The following NRG3 variants were observed in gnomAD, a reference collection of about 807,000 sequenced individuals.
The protein encoded by NRG3 is neuregulin 3.
A neutral mutation model predicts 66.9 loss-of-function variants in NRG3; 31 were observed. That is an observed-to-expected ratio of 0.46 (90% CI 0.35 to 0.63). NRG3 has a LOEUF of 0.63. Among genes scored for constraint, NRG3 ranks in the 20% least tolerant of loss-of-function variants. The pLI is 0.00. For missense variants in NRG3, 910 were observed against 878.9 expected (o/e 1.04, Z -0.45); for synonymous variants, 393 against 359.4 (o/e 1.09, Z -1.06).
At chr10:82,723,790 G>A (rs1163386026) in intron 2 of NRG3, among the ~76,000 whole-genome samples, 1 of 151,804 alleles carries the variant, frequency 6.6e-6, no homozygotes, top group Non-Finnish European at 1.5e-5. Context: ...GACCAAACTG[G>A]CCAACATGGT....
At chr10:81,996,153 CAAAT>C (rs1467772768) in intron 1 of NRG3, among the ~76,000 whole-genome samples, 1 of 152,132 alleles carries the variant, frequency 6.6e-6, no homozygotes, top group African/African-American at 2.4e-5. Flanking sequence ...TCATATGTGA[CAAAT>C]AGATAATGCA....
intron 4 of NRG3, among the ~76,000 whole-genome samples, chr10:82,886,972 G>A (rs1842771961): frequency 6.6e-6 from 1 of 152,138 alleles, no homozygotes. Context: ...TTGTAAAATC[G>A]TTCTAATTAG....
rs2054163148 is a variant in NRG3, at chr10:82,682,346, G to T, written c.954-56231G>T. On this transcript the variant is annotated intron_variant, in intron 2 of 8. Transcript: ENST00000372141. ...CTGTTCACTTAGATATAGATAGATA[G>T]ATGAAAGATAAGATAGATGGATAGA... Among the ~76,000 whole-genome samples, 3 of 152,218 alleles carry T rather than the reference G, an allele frequency of 2.0e-5. No individual in the cohort carries two copies. In the South Asian group the frequency reaches 6.2e-4, roughly 32 times the overall value.
intron 1 of NRG3, among the ~76,000 whole-genome samples, chr10:82,014,691 C>T (rs1034054730): frequency 2.0e-5 from 3 of 152,146 alleles, no homozygotes; most frequent in African/African-American, 7.2e-5. Context: ...ATGGGCTGAT[C>T]TCTCTGAAAC....
chr10:82,455,450 C>T (rs1016422838), intron 2 of NRG3, among the ~76,000 whole-genome samples: 4 of 151,868 alleles, frequency 2.6e-5, no homozygotes, highest in African/African-American at 9.7e-5. Flanking sequence ...ACATATAGGA[C>T]AAAAGGTGAA....
intron 2 of NRG3, among the ~76,000 whole-genome samples, chr10:82,536,012 G>C (rs1291071590): frequency 1.3e-5 from 2 of 150,284 alleles, no homozygotes; most frequent in African/African-American, 4.9e-5. Flanking sequence ...TGAGATATTC[G>C]CCAAATGGCA....
intron 1 of NRG3, among the ~76,000 whole-genome samples, chr10:82,129,778 C>A (rs781205664): frequency 6.6e-6 from 1 of 152,030 alleles, no homozygotes; most frequent in Non-Finnish European, 1.5e-5. Flanking sequence ...TCAGGCTGGT[C>A]TCGAACTCCT....
At chr10:82,656,308 CT>C (rs3040205) in intron 2 of NRG3, among the ~76,000 whole-genome samples, 2,067 of 131,970 alleles carry the variant, frequency 0.016, 42 homozygotes, top group African/African-American at 0.054. Flanking sequence ...TTTCTTTTTT[CT>C]TTTTTTTTTT....
chr10:82,066,757 T>G (rs1053547413), intron 1 of NRG3, among the ~76,000 whole-genome samples: 2 of 152,190 alleles, frequency 1.3e-5, no homozygotes, highest in African/African-American at 4.8e-5. Context: ...CCAGTAAACA[T>G]TGGGATCAGC....
intron 1 of NRG3, among the ~76,000 whole-genome samples, chr10:82,298,286 G>A (rs2080196583): frequency 6.6e-6 from 1 of 151,512 alleles, no homozygotes; most frequent in Non-Finnish European, 1.5e-5. Flanking sequence ...GAGGGAGGAA[G>A]GAAGGAAGGA....
chr10:81,983,643 T>G (rs1187711148), intron 1 of NRG3, among the ~76,000 whole-genome samples: 1 of 152,186 alleles, frequency 6.6e-6, no homozygotes, highest in African/African-American at 2.4e-5. Context: ...AGCCGTGAAT[T>G]TACGTTGTCT....
At chr10:81,942,662 C>T (rs1007550641) in intron 1 of NRG3, among the ~76,000 whole-genome samples, 4 of 152,102 alleles carry the variant, frequency 2.6e-5, no homozygotes, top group African/African-American at 9.7e-5. Context: ...CCTTATCTTT[C>T]CTCAATTCAC....
At chr10:82,772,746 C>A (rs911779728) in intron 3 of NRG3, among the ~76,000 whole-genome samples, 1 of 143,802 alleles carries the variant, frequency 7.0e-6, no homozygotes, top group Non-Finnish European at 1.5e-5. Context: ...CACTCTATCA[C>A]CCAGGCTGGA....
chr10:82,849,330 C>G (rs745462584), intron 3 of NRG3, among the ~76,000 whole-genome samples: 4 of 152,108 alleles, frequency 2.6e-5, no homozygotes, highest in Non-Finnish European at 4.4e-5. Context: ...CTGCTGACAC[C>G]TTGATTTCAG....
At chr10:81,937,598 G>A (rs1345272934) in intron 1 of NRG3, among the ~76,000 whole-genome samples, 1 of 152,018 alleles carries the variant, frequency 6.6e-6, no homozygotes, top group Non-Finnish European at 1.5e-5. Context: ...TTTTTATGGA[G>A]TTATTTTGTT....
intron 4 of NRG3, among the ~76,000 whole-genome samples, chr10:82,910,762 G>T (rs530893553): frequency 6.6e-6 from 1 of 152,354 alleles, no homozygotes; most frequent in Non-Finnish European, 1.5e-5. Context: ...GATCAATGAT[G>T]AGTAAATATA....
At chr10:82,096,259 G>T (rs550108028) in intron 1 of NRG3, among the ~76,000 whole-genome samples, 14 of 152,208 alleles carry the variant, frequency 9.2e-5, no homozygotes, top group African/African-American at 3.1e-4. Context: ...GGCAGATCAT[G>T]AGGTCAAGAG....
chr10:82,876,931 G>A (rs1484214489), intron 4 of NRG3, among the ~76,000 whole-genome samples: 1 of 151,638 alleles, frequency 6.6e-6, no homozygotes, highest in African/African-American at 2.4e-5. Context: ...GCTGCGGCAG[G>A]AGAATCTCTT....
intron 1 of NRG3, among the ~76,000 whole-genome samples, chr10:82,104,660 GAAATA>G (rs1475933475): frequency 6.6e-6 from 1 of 152,152 alleles, no homozygotes; most frequent in African/African-American, 2.4e-5. Flanking sequence ...TTATGGTTAT[GAAATA>G]AAATAAAGCA....
Sources: allele counts gnomAD v4.1 joint callset (sites outside exome capture counted in the v4.1 genomes callset), GRCh38; gene constraint gnomAD v4.1.1; transcripts MANE v1.5; gene names NCBI Gene and HGNC (gene_info 2026-07-23, HGNC 2026-07-21).